Variants in DAB1 observed in about 807,000 individuals in gnomAD.
The protein encoded by DAB1 is DAB adaptor protein 1.
In DAB1, 15 loss-of-function variants were observed where a neutral mutation model predicts 64.6. The observed-to-expected ratio is 0.23, with a 90% confidence interval of 0.16 to 0.36. The LOEUF (loss-of-function observed/expected upper bound fraction) is 0.36. Among genes scored for constraint, DAB1 ranks in the 10% least tolerant of loss-of-function variants. DAB1 has a pLI of 1.00. For synonymous variants in DAB1, 235 were observed against 251.9 expected (o/e 0.93, Z 0.64); for missense variants, 596 against 706.7 (o/e 0.84, Z 1.78).
intron 8 of DAB1, among the ~76,000 whole-genome samples, chr1:57,067,529 G>A (rs1203193366): frequency 6.6e-6 from 1 of 152,080 alleles, no homozygotes; most frequent in Non-Finnish European, 1.5e-5. Context: ...CCCATTAACA[G>A]AGTTGGCTCA....
At chr1:57,213,768 T>A (rs1424929026) in intron 2 of DAB1, among the ~76,000 whole-genome samples, 1 of 152,128 alleles carries the variant, frequency 6.6e-6, no homozygotes, top group East Asian at 1.9e-4. Context: ...CCCAGGAACA[T>A]TTCAATATTT....
At chr1:57,748,461 A>G (rs1399682014) in intron 6 of DAB1, among the ~76,000 whole-genome samples, 1 of 152,164 alleles carries the variant, frequency 6.6e-6, no homozygotes, top group Non-Finnish European at 1.5e-5. Flanking sequence ...AAATAAATAA[A>G]TGTATGTTAA....
At chr1:58,473,968 G>T in intron 3 of DAB1, 1 of 1,272,984 alleles carries the variant, frequency 7.9e-7, no homozygotes, top group Non-Finnish European at 1.0e-6. Flanking sequence ...TCCCGGACAA[G>T]CTGTCACATG....
At chr1:57,121,827 G>C (rs1482593138) in intron 4 of DAB1, among the ~76,000 whole-genome samples, 1 of 151,914 alleles carries the variant, frequency 6.6e-6, no homozygotes, top group Admixed American at 6.6e-5. Flanking sequence ...CGGGTTAGTA[G>C]GTGCAGCAAA....
At position 57,580,089 on chromosome 1, in the gene DAB1, G is replaced by A. The variant is rs72908527; in HGVS notation, n.625+69503C>T. Among the ~76,000 whole-genome samples the A allele has an allele frequency of 3.6e-3, 544 of 152,196 alleles. 4 individuals are homozygous for A. Among genetic ancestry groups the A allele is most frequent in the African/African-American group, 0.012 (514 of 41,528 alleles). ...CAACGTGCTCTGTAGCACAGCGGCT[G>A]TCCCTAGTTGTCTGACACCTGGCCC... is the stretch of plus-strand genomic sequence containing the variant. On this transcript the variant is annotated intron_variant and non_coding_transcript_variant, in intron 7 of 20. Coordinates refer to the DAB1 transcript ENST00000485760.
intron 7 of DAB1, among the ~76,000 whole-genome samples, chr1:57,629,843 G>T (rs72910503): frequency 0.011 from 1,600 of 147,726 alleles, 30 homozygotes; most frequent in African/African-American, 0.038. Flanking sequence ...AAGGTTGAGG[G>T]TTTTTTTTTT....
chr1:57,263,711 A>G (rs1670372118), intron 2 of DAB1, among the ~76,000 whole-genome samples: 1 of 152,206 alleles, frequency 6.6e-6, no homozygotes. Context: ...GATTGGAGAG[A>G]ATAGCAAAGG....
At chr1:57,267,179 G>A (rs1234433878) in intron 2 of DAB1, among the ~76,000 whole-genome samples, 1 of 152,034 alleles carries the variant, frequency 6.6e-6, no homozygotes, top group Admixed American at 6.6e-5. Context: ...GCTACGTGAA[G>A]GCAGAGCAGA....
rs184681011 is a variant in DAB1, at chr1:57,455,243, G to A, written n.626-164077C>T. Among the ~76,000 whole-genome samples the A allele has an allele frequency of 3.9e-3, 600 of 152,174 alleles. 1 individual carries two copies. The highest frequency in any genetic ancestry group is 5.2e-3 in the Non-Finnish European group (353 of 68,000). ...GGGATGAGATTGAATAGGAAGGGAC[G>A]GGTCATTTTGTGAAGCAACCAACTT... On this transcript the variant is annotated intron_variant and non_coding_transcript_variant, in intron 7 of 20. Transcript: ENST00000485760.
chr1:58,346,349 G>A (rs901933325), intron 3 of DAB1, among the ~76,000 whole-genome samples: 7 of 152,178 alleles, frequency 4.6e-5, no homozygotes, highest in African/African-American at 1.4e-4. Flanking sequence ...TATTTGCAAC[G>A]GTGATGTGTG....
chr1:57,103,109 C>A lies in DAB1; in HGVS notation c.307-30695G>T, dbSNP rs184726221. On this transcript the variant is annotated intron_variant, in intron 4 of 14. Transcript: ENST00000371236. ...CTTCAGGCTCTGGCTAACACTAAATCCCTGGGTGCTAACAGCTGGAAGCAC... is the reference window on the plus strand; with the variant it reads ...CTTCAGGCTCTGGCTAACACTAAATACCTGGGTGCTAACAGCTGGAAGCAC... Among the ~76,000 whole-genome samples, 22 of 152,148 alleles carry A rather than the reference C, an allele frequency of 1.4e-4. No individual in the cohort carries two copies. In the East Asian group the frequency reaches 4.2e-3, roughly 29 times the overall value.
At chr1:58,043,943 G>A (rs1647184558) in intron 5 of DAB1, among the ~76,000 whole-genome samples, 2 of 152,172 alleles carry the variant, frequency 1.3e-5, no homozygotes, top group South Asian at 4.1e-4. Flanking sequence ...GGCCAGGCTG[G>A]TCTTGAACTC....
intron 4 of DAB1, among the ~76,000 whole-genome samples, chr1:57,083,212 A>T (rs1652727140): frequency 6.6e-6 from 1 of 152,210 alleles, no homozygotes; most frequent in Non-Finnish European, 1.5e-5. Context: ...AGGGTTAAGT[A>T]ACTTGCCCCG....
intron 2 of DAB1, among the ~76,000 whole-genome samples, chr1:58,524,104 C>T (rs4912340): frequency 1.3e-5 from 2 of 152,098 alleles, no homozygotes; most frequent in East Asian, 3.9e-4. Flanking sequence ...AAAGTACTTA[C>T]AAATCCAACT....
chr1:57,961,403 C>T (rs1032940944), intron 5 of DAB1, among the ~76,000 whole-genome samples: 2 of 152,052 alleles, frequency 1.3e-5, no homozygotes, highest in Non-Finnish European at 2.9e-5. Context: ...CTCAGAACTC[C>T]GCCTGTGATC....
At chr1:57,080,744 ACACACACACACG>A (rs141151914) in intron 4 of DAB1, among the ~76,000 whole-genome samples, 3,031 of 143,292 alleles carry the variant, frequency 0.021, 104 homozygotes, top group African/African-American at 0.071. Flanking sequence ...CAACACACAC[ACACACACACACG>A]CACACACACA....
intron 4 of DAB1, among the ~76,000 whole-genome samples, chr1:58,166,708 A>G (rs1245558733): frequency 6.7e-6 from 1 of 150,060 alleles, no homozygotes; most frequent in Non-Finnish European, 1.5e-5. Context: ...GTTATATGGT[A>G]AACTCATGTT....
chr1:57,300,980 G>T (rs1002049254), intron 1 of DAB1, among the ~76,000 whole-genome samples: 2 of 151,810 alleles, frequency 1.3e-5, no homozygotes, highest in Admixed American at 1.3e-4. Context: ...TGCTTGTCCA[G>T]GAATCACCCA....
intron 5 of DAB1, among the ~76,000 whole-genome samples, chr1:58,057,211 T>TA (rs939043087): frequency 5.3e-5 from 8 of 151,870 alleles, no homozygotes; most frequent in African/African-American, 1.5e-4. Flanking sequence ...TTATTTTTTT[T>TA]AATTATGAAT....
Sources: gnomAD v4.1 joint callset for allele counts (sites outside exome capture counted in the v4.1 genomes callset) on GRCh38, gnomAD v4.1.1 for gene constraint, MANE v1.5 for transcripts, NCBI Gene and HGNC (gene_info 2026-07-23, HGNC 2026-07-21) for gene names.